Variants in HDAC9 observed in about 807,000 individuals in gnomAD.
HDAC9 encodes the protein MEF-2 interacting transcription repressor (MITR) protein.
In HDAC9, 41 loss-of-function variants were observed where a neutral mutation model predicts 139.4. That is an observed-to-expected ratio of 0.29 (90% CI 0.23 to 0.38). The LOEUF is 0.38. HDAC9 is among the 10% of genes least tolerant of loss of function. The pLI, the probability that HDAC9 is intolerant of heterozygous loss-of-function variation, is 1.00. For synonymous variants in HDAC9, 517 were observed against 476.2 expected, an observed-to-expected ratio of 1.09 and a Z score of -1.12; for missense variants, 1,147 against 1,297.0, an observed-to-expected ratio of 0.88 and a Z score of 1.78.
intron 2 of HDAC9, among the ~76,000 whole-genome samples, chr7:18,169,026 C>G (rs1404540193): frequency 6.6e-6 from 1 of 151,688 alleles, no homozygotes; most frequent in Non-Finnish European, 1.5e-5. Flanking sequence ...CAACCTCCGC[C>G]TCTTGGGTTC....
At chr7:18,823,449 A>C (rs1795136964) in intron 17 of HDAC9, among the ~76,000 whole-genome samples, 1 of 152,226 alleles carries the variant, frequency 6.6e-6, no homozygotes, top group Admixed American at 6.5e-5. Flanking sequence ...AGATATGCTT[A>C]GGTGCGGGGA....
chr7:18,550,173 C>T lies in HDAC9; in HGVS notation c.23-35108C>T, dbSNP rs551706786. On this transcript the variant is annotated intron_variant, in intron 2 of 25. Transcript: ENST00000686413. ...CTTTTTGTTTTTTAACAGATTAGAA[C>T]CTAAAGCAGAGAAAGTTAGTGATAG... 3.3e-5 allele frequency among the ~76,000 whole-genome samples: 5 copies of T among 152,114 alleles called. No homozygotes were observed. In the South Asian group the frequency reaches 1.0e-3, roughly 32 times the overall value.
At chr7:18,197,545 G>C (rs1178323) in intron 2 of HDAC9, among the ~76,000 whole-genome samples, 5,738 of 152,206 alleles carry the variant, frequency 0.038, 149 homozygotes, top group African/African-American at 0.059. Context: ...AAGAAGTTAC[G>C]TGACAGAACA....
intron 11 of HDAC9, among the ~76,000 whole-genome samples, chr7:18,650,233 T>C (rs1179590275): frequency 1.3e-5 from 2 of 152,144 alleles, no homozygotes; most frequent in Non-Finnish European, 2.9e-5. Context: ...GTGCAAGAAA[T>C]GTATGTGGGA....
At chr7:18,731,782 C>T (rs1036934676) in intron 13 of HDAC9, among the ~76,000 whole-genome samples, 5 of 152,078 alleles carry the variant, frequency 3.3e-5, no homozygotes, top group African/African-American at 2.4e-5. Context: ...TGCACCACCA[C>T]ACCCAGCTAA....
intron 1 of HDAC9, among the ~76,000 whole-genome samples, chr7:18,134,745 C>T (rs1562656758): frequency 6.6e-6 from 1 of 152,134 alleles, no homozygotes; most frequent in African/African-American, 2.4e-5. Context: ...AAATATTCTT[C>T]TCTCTTTATT....
chr7:18,732,758 C>T (rs555642146), intron 13 of HDAC9, among the ~76,000 whole-genome samples: 1 of 61,572 alleles, frequency 1.6e-5, no homozygotes, highest in East Asian at 7.8e-4. Flanking sequence ...TGTACACACA[C>T]GTGTATGTGT....
chr7:18,741,081 G>A (rs1469275735), intron 13 of HDAC9, among the ~76,000 whole-genome samples: 1 of 152,154 alleles, frequency 6.6e-6, no homozygotes, highest in Non-Finnish European at 1.5e-5. Context: ...GAAAGTGGAA[G>A]GTAAAGCAGC....
intron 1 of HDAC9, among the ~76,000 whole-genome samples, chr7:18,305,448 T>C (rs1182935352): frequency 1.3e-5 from 2 of 152,228 alleles, no homozygotes; most frequent in African/African-American, 4.8e-5. Context: ...AATGAAAACA[T>C]GTTCTGGAAT....
intron 6 of HDAC9, among the ~76,000 whole-genome samples, chr7:18,613,954 G>C (rs913560647): frequency 3.8e-4 from 58 of 152,122 alleles, no homozygotes; most frequent in African/African-American, 1.3e-3. Flanking sequence ...TAAATATGAA[G>C]CTCATGAAAC....
At chr7:18,794,598 C>G (rs1173424838) in intron 17 of HDAC9, among the ~76,000 whole-genome samples, 1 of 152,074 alleles carries the variant, frequency 6.6e-6, no homozygotes, top group Non-Finnish European at 1.5e-5. Flanking sequence ...TATATGGGGT[C>G]ATTAATGTGG....
intron 14 of HDAC9, among the ~76,000 whole-genome samples, chr7:18,753,073 CA>C (rs1562914468): frequency 1.3e-5 from 2 of 152,052 alleles, no homozygotes; most frequent in Non-Finnish European, 2.9e-5. Context: ...TTGAGTTTTC[CA>C]GGCATCTTTG....
chr7:18,688,830 G>C (rs1782466547), intron 12 of HDAC9, among the ~76,000 whole-genome samples: 1 of 151,872 alleles, frequency 6.6e-6, no homozygotes, highest in South Asian at 2.1e-4. Context: ...TGGTTACAGA[G>C]AAAGGTTAAG....
intron 11 of HDAC9, among the ~76,000 whole-genome samples, chr7:18,661,530 CT>C (rs564301119): frequency 1.2e-4 from 18 of 151,138 alleles, no homozygotes; most frequent in African/African-American, 2.2e-4. Flanking sequence ...GGTTTCTACT[CT>C]TTTTTTTTAA....
intron 2 of HDAC9, among the ~76,000 whole-genome samples, chr7:18,280,038 C>T (rs1797001757): frequency 6.6e-6 from 1 of 152,082 alleles, no homozygotes; most frequent in East Asian, 1.9e-4. Flanking sequence ...TGAAAATATA[C>T]TTATCCATTT....
chr7:18,223,706 T>G (rs868671166), intron 2 of HDAC9, among the ~76,000 whole-genome samples: 1 of 152,182 alleles, frequency 6.6e-6, no homozygotes, highest in African/African-American at 2.4e-5. Flanking sequence ...CATTTTATAC[T>G]GTTTATTTAT....
chr7:18,835,693 C>G, intron 20 of HDAC9, 107 bp downstream of exon 20: 1 of 1,433,066 alleles, frequency 7.0e-7, no homozygotes. Context: ...TTAAATTACA[C>G]GAGATTACTG....
At chr7:18,884,204 A>C (rs1459213036) in intron 22 of HDAC9, among the ~76,000 whole-genome samples, 1 of 152,188 alleles carries the variant, frequency 6.6e-6, no homozygotes, top group Non-Finnish European at 1.5e-5. Flanking sequence ...CAACCCAAAA[A>C]TTTGTGTGGA....
intron 16 of HDAC9, among the ~76,000 whole-genome samples, chr7:18,787,775 C>T (rs1791945044): frequency 6.6e-6 from 1 of 152,178 alleles, no homozygotes; most frequent in Admixed American, 6.5e-5. Flanking sequence ...AAATGGGACA[C>T]AATATTTCCC....
Sources: gnomAD v4.1 joint callset for allele counts (sites outside exome capture counted in the v4.1 genomes callset) on GRCh38, gnomAD v4.1.1 for gene constraint, MANE v1.5 for transcripts, NCBI Gene and HGNC (gene_info 2026-07-23, HGNC 2026-07-21) for gene names.